Variants in PLXDC2 observed in about 807,000 individuals in gnomAD.
The protein encoded by PLXDC2 is plexin domain containing 2, also known as plexin domain-containing protein 2.
PLXDC2 carries 40 observed loss-of-function variants against 68.9 expected under a neutral mutation model. The ratio of observed to expected loss-of-function variants is 0.58; its 90% CI spans 0.45 to 0.76. PLXDC2 has a LOEUF of 0.76. Ranked by LOEUF, PLXDC2 falls within the 30% of genes least tolerant of loss-of-function variation. The pLI is 0.00. For synonymous variants in PLXDC2, 243 were observed against 234.2 expected, an observed-to-expected ratio of 1.04 and a Z score of -0.34; for missense variants, 644 against 661.9, an observed-to-expected ratio of 0.97 and a Z score of 0.30.
chr10:20,236,287 CAA>C (rs1321894084), intron 12 of PLXDC2, among the ~76,000 whole-genome samples: 5 of 151,660 alleles, frequency 3.3e-5, no homozygotes, highest in African/African-American at 1.2e-4. Context: ...ACTAAAAGTA[CAA>C]AAAAAGTTAG....
chr10:20,051,775 A>G (rs1589605975), intron 3 of PLXDC2, among the ~76,000 whole-genome samples: 1 of 151,936 alleles, frequency 6.6e-6, no homozygotes, highest in Admixed American at 6.6e-5. Flanking sequence ...GGTGATGCTC[A>G]TGCCACTAAT....
chr10:20,242,845 G>T (rs991136484), intron 12 of PLXDC2, among the ~76,000 whole-genome samples: 1 of 152,114 alleles, frequency 6.6e-6, no homozygotes, highest in Non-Finnish European at 1.5e-5. Context: ...GAGTAGCTGC[G>T]ATTATAGGCG....
At chr10:19,947,707 C>CTT (rs34439585) in intron 1 of PLXDC2, among the ~76,000 whole-genome samples, 1,521 of 120,940 alleles carry the variant, frequency 0.013, 23 homozygotes, top group African/African-American at 0.034. Flanking sequence ...TTCTTTCTTT[C>CTT]TTTTTTTTTT....
At chr10:20,054,441 C>T (rs112776551) in intron 3 of PLXDC2, among the ~76,000 whole-genome samples, 195 of 151,196 alleles carry the variant, frequency 1.3e-3, no homozygotes, top group African/African-American at 4.5e-3. Context: ...GGATGGATGA[C>T]GGATGGAAGA....
intron 1 of PLXDC2, among the ~76,000 whole-genome samples, chr10:19,895,588 G>C (rs1010838894): frequency 7.9e-5 from 12 of 152,118 alleles, no homozygotes; most frequent in Non-Finnish European, 1.2e-4. Flanking sequence ...AATCTAGTGT[G>C]TATTTTGCAC....
chr10:19,887,269 T>C (rs924553649), intron 1 of PLXDC2, among the ~76,000 whole-genome samples: 14 of 152,082 alleles, frequency 9.2e-5, no homozygotes, highest in Non-Finnish European at 1.9e-4. Flanking sequence ...GCCTGTAATC[T>C]CAGCACTTTG....
chr10:20,020,613 G>A (rs1015747219), intron 2 of PLXDC2, among the ~76,000 whole-genome samples: 3 of 151,898 alleles, frequency 2.0e-5, no homozygotes, highest in Non-Finnish European at 4.4e-5. Context: ...CTCCGTTCAT[G>A]ATCTATTATT....
chr10:20,059,356 A>G (rs1010571398), intron 3 of PLXDC2, among the ~76,000 whole-genome samples: 4 of 152,174 alleles, frequency 2.6e-5, no homozygotes, highest in Admixed American at 2.0e-4. Context: ...CAGGCAAGCT[A>G]CTGTAGTCAT....
At position 19,862,675 on chromosome 10, in the gene PLXDC2, A is replaced by G. The variant is rs1401917432; in HGVS notation, c.112+45484A>G. Reference sequence around the variant, plus strand: ...ACCTACACTACACAACAAGTATGCAACAGCTACTCATTTTTCTTTTCTTTT... The same window carrying G: ...ACCTACACTACACAACAAGTATGCAGCAGCTACTCATTTTTCTTTTCTTTT... On this transcript the variant is annotated intron_variant, in intron 1 of 13. Transcript: ENST00000377252. Among the ~76,000 whole-genome samples, 4 of 152,374 alleles carry G rather than the reference A, an allele frequency of 2.6e-5. 1 individual carries two copies. The highest frequency in any genetic ancestry group is 2.0e-4 in the Admixed American group (3 of 15,306).
chr10:20,148,265 G>GTT (rs5783725), intron 6 of PLXDC2, among the ~76,000 whole-genome samples: 1 of 147,552 alleles, frequency 6.8e-6, no homozygotes, highest in African/African-American at 2.5e-5. Context: ...TCTTTAGTTA[G>GTT]TTTTTTTTTT....
At chr10:20,177,208 A>G in intron 8 of PLXDC2, 114 bp downstream of exon 8, 2 of 1,311,850 alleles carry the variant, frequency 1.5e-6, no homozygotes, top group Non-Finnish European at 2.2e-6. Flanking sequence ...TGTGTTTGGC[A>G]TGCATGGGCA....
chr10:19,966,370 A>ATAAATATATATGTGCACATATAT (rs1834253287), intron 1 of PLXDC2, among the ~76,000 whole-genome samples: 1 of 133,478 alleles, frequency 7.5e-6, no homozygotes, highest in African/African-American at 2.8e-5. Flanking sequence ...CACATATATA[A>ATAAATATATATGTGCACATATAT]AAAATATATA....
At chr10:19,932,595 A>G (rs756247968) in intron 1 of PLXDC2, among the ~76,000 whole-genome samples, 7 of 152,228 alleles carry the variant, frequency 4.6e-5, no homozygotes, top group South Asian at 4.1e-4. Context: ...GCAAAGCAAG[A>G]CACCAACCAT....
intron 2 of PLXDC2, among the ~76,000 whole-genome samples, chr10:20,005,602 A>G (rs1835013773): frequency 6.6e-6 from 1 of 152,068 alleles, no homozygotes; most frequent in Non-Finnish European, 1.5e-5. Context: ...TGGCCTCAGG[A>G]AGGTTTCAAC....
At chr10:20,011,189 G>C (rs1835108356) in intron 2 of PLXDC2, among the ~76,000 whole-genome samples, 1 of 152,126 alleles carries the variant, frequency 6.6e-6, no homozygotes, top group Non-Finnish European at 1.5e-5. Context: ...AAGGGCTCAG[G>C]ATGAAGGAAC....
intron 5 of PLXDC2, among the ~76,000 whole-genome samples, chr10:20,147,514 C>T (rs1281276919): frequency 6.6e-6 from 1 of 151,974 alleles, no homozygotes; most frequent in South Asian, 2.1e-4. Flanking sequence ...TAATAAAATT[C>T]CTAAGGCAAA....
chr10:19,853,412 A>T (rs1456018871), intron 1 of PLXDC2, among the ~76,000 whole-genome samples: 1 of 151,594 alleles, frequency 6.6e-6, no homozygotes, highest in African/African-American at 2.4e-5. Flanking sequence ...TTTTAATTTT[A>T]ATTTTTATTT....
chr10:19,878,392 C>A (rs1332749672), intron 1 of PLXDC2, among the ~76,000 whole-genome samples: 1 of 152,042 alleles, frequency 6.6e-6, no homozygotes. Context: ...TTATTGCCAT[C>A]TCGTGGATTT....
At chr10:20,259,921 C>T (rs1835787985) in intron 13 of PLXDC2, among the ~76,000 whole-genome samples, 2 of 151,846 alleles carry the variant, frequency 1.3e-5, no homozygotes, top group Admixed American at 1.3e-4. Flanking sequence ...ATAGGGACAA[C>T]AGAGATAAAT....
Sources: gnomAD v4.1 joint callset for allele counts (sites outside exome capture counted in the v4.1 genomes callset) on GRCh38, gnomAD v4.1.1 for gene constraint, MANE v1.5 for transcripts, NCBI Gene and HGNC (gene_info 2026-07-23, HGNC 2026-07-21) for gene names.